The following ZNF362 variants were observed in gnomAD, a reference collection of about 807,000 sequenced individuals.
The protein encoded by ZNF362 is zinc finger protein 362.
In ZNF362, 11 loss-of-function variants were observed where a neutral mutation model predicts 42.9. That is an observed-to-expected ratio of 0.26 (90% confidence interval 0.16 to 0.42). The LOEUF (loss-of-function observed/expected upper bound fraction) is 0.42, where lower values mean the gene tolerates loss of function less well. Among genes scored for constraint, ZNF362 ranks in the 20% least tolerant of loss-of-function variants. The pLI is 1.00. For missense variants in ZNF362, 362 were observed against 576.2 expected, an observed-to-expected ratio of 0.63 and a Z score of 3.81; for synonymous variants, 255 against 257.3, an observed-to-expected ratio of 0.99 and a Z score of 0.09.
intron 1 of ZNF362, among the ~76,000 whole-genome samples, chr1:33,257,625 G>C (rs554960312): frequency 7.9e-5 from 12 of 152,148 alleles, no homozygotes; most frequent in African/African-American, 2.9e-4. Flanking sequence ...CATTTATTTG[G>C]AAGGGGCTCT....
the ZNF362 span, among the ~76,000 whole-genome samples, chr1:33,150,426 G>A: frequency 6.6e-6 from 1 of 152,260 alleles, no homozygotes; most frequent in Admixed American, 6.5e-5. Context: ...CACTGGACCA[G>A]TGACCTATAT....
the ZNF362 span, among the ~76,000 whole-genome samples, chr1:33,215,751 C>T: frequency 2.0e-5 from 3 of 152,092 alleles, 1 homozygote; most frequent in African/African-American, 7.2e-5. Flanking sequence ...GTGATATTTT[C>T]TACAAATCCT....
At chr1:33,197,903 C>T in the ZNF362 span, among the ~76,000 whole-genome samples, 5 of 152,072 alleles carry the variant, frequency 3.3e-5, no homozygotes, top group South Asian at 2.1e-4. Context: ...ATCTTCCCAC[C>T]GGCCACAGTA....
the ZNF362 span, among the ~76,000 whole-genome samples, chr1:33,232,363 C>T: frequency 6.6e-6 from 1 of 152,118 alleles, no homozygotes; most frequent in Non-Finnish European, 1.5e-5. Context: ...CTCCTGGGTT[C>T]AAGCGATTCT....
chr1:33,219,663 T>C, the ZNF362 span, among the ~76,000 whole-genome samples: 1 of 151,484 alleles, frequency 6.6e-6, no homozygotes, highest in African/African-American at 2.4e-5. Flanking sequence ...AGCCAAGGAG[T>C]AGGGGCAGTT....
chr1:33,229,894 T>C, the ZNF362 span, among the ~76,000 whole-genome samples: 1 of 152,150 alleles, frequency 6.6e-6, no homozygotes, highest in East Asian at 1.9e-4. Flanking sequence ...TTTTAACCAA[T>C]ATAAAAGTAA....
the ZNF362 span, among the ~76,000 whole-genome samples, chr1:33,238,573 A>G: frequency 1.3e-5 from 2 of 152,020 alleles, no homozygotes; most frequent in African/African-American, 4.8e-5. Context: ...GCAGCTAGAA[A>G]GGAAGGGTCA....
In ZNF362 at chr1:33,294,815, C is replaced by T. The variant is rs775632992; in HGVS notation, c.909-122C>T. ...GCTCTTGCCTGGGCTCACTCTTGGTCCTTGGGGAGCATGGGCAGGGTAGGG... is the reference window on the plus strand; with the variant it reads ...GCTCTTGCCTGGGCTCACTCTTGGTTCTTGGGGAGCATGGGCAGGGTAGGG... On this transcript the variant is annotated intron_variant, in intron 6 of 8. Transcript: ENST00000539719. This position sits in a 1 kb window ranked among gnomAD's most constrained non-coding sequence, Gnocchi z 4.2. The T allele has an allele frequency of 1.9e-6, 2 of 1,063,088 alleles. No individual in the cohort carries two copies. Among genetic ancestry groups the T allele is most frequent in the Middle Eastern group, 4.3e-4 (2 of 4,674 alleles). The allele number at this position is 1,063,088 out of a possible 1,614,324, so 65.9% of individuals were successfully genotyped here. A position where few individuals can be genotyped will look rare whatever the true frequency, so the allele number is the denominator to read the frequency against.
At chr1:33,241,053 T>G in the ZNF362 span, among the ~76,000 whole-genome samples, 688 of 152,200 alleles carry the variant, frequency 4.5e-3, 8 homozygotes, top group Non-Finnish European at 3.4e-3. Context: ...GGGGAATCTG[T>G]TGAGATTTTG....
chr1:33,278,700 TTGAG>T (rs1414867991), intron 4 of ZNF362, among the ~76,000 whole-genome samples: 9 of 152,230 alleles, frequency 5.9e-5, no homozygotes, highest in Non-Finnish European at 1.5e-5. Flanking sequence ...CGTATGTAGT[TTGAG>T]TGTGTGTTCT....
At chr1:33,187,753 C>A in the ZNF362 span, among the ~76,000 whole-genome samples, 1 of 152,274 alleles carries the variant, frequency 6.6e-6, no homozygotes, top group Non-Finnish European at 1.5e-5. Flanking sequence ...TCTCTCCCTA[C>A]CCTCTGAGAA....
intron 7 of ZNF362, 27 bp downstream of exon 7, chr1:33,295,042 C>G: frequency 6.2e-7 from 1 of 1,613,818 alleles, no homozygotes; most frequent in East Asian, 2.2e-5. Flanking sequence ...CTCCTGCCCA[C>G]CAGGTGCTCT....
At chr1:33,162,812 C>T in the ZNF362 span, 1 of 152,310 alleles carries the variant, frequency 6.6e-6, no homozygotes, top group African/African-American at 2.4e-5. Context: ...GACTACAAAG[C>T]CATAGCTCTT....
chr1:33,228,262 T>A, the ZNF362 span, among the ~76,000 whole-genome samples: 1 of 152,090 alleles, frequency 6.6e-6, no homozygotes, highest in African/African-American at 2.4e-5. Flanking sequence ...ATCCTTCCAG[T>A]TGCCCAAGCC....
the ZNF362 span, among the ~76,000 whole-genome samples, chr1:33,235,011 G>A: frequency 1.3e-5 from 2 of 152,106 alleles, no homozygotes; most frequent in African/African-American, 4.8e-5. Flanking sequence ...CTGCAGTCCC[G>A]GGTCATAGAT....
chr1:33,138,626 CAAAAAAA>C, the ZNF362 span, among the ~76,000 whole-genome samples: 101 of 66,108 alleles, frequency 1.5e-3, no homozygotes, highest in Non-Finnish European at 2.0e-3. Context: ...ACAACAACAA[CAAAAAAA>C]AAAAAAAAAA....
At chr1:33,221,292 A>C in the ZNF362 span, among the ~76,000 whole-genome samples, 1 of 152,140 alleles carries the variant, frequency 6.6e-6, no homozygotes, top group Non-Finnish European at 1.5e-5. Context: ...GTGGGTGGGG[A>C]TCCTGGGAAG....
At chr1:33,257,289 G>A (rs1233794065) in intron 1 of ZNF362, among the ~76,000 whole-genome samples, 1 of 151,826 alleles carries the variant, frequency 6.6e-6, no homozygotes, top group African/African-American at 2.4e-5. Flanking sequence ...GCCTTTCGGG[G>A]AGGTGAGACA....
intron 1 of ZNF362, among the ~76,000 whole-genome samples, chr1:33,264,323 A>C (rs1262408934): frequency 2.6e-5 from 4 of 152,114 alleles, no homozygotes; most frequent in Admixed American, 6.6e-5. Flanking sequence ...AGATGGCATT[A>C]CTGGCTGGTC....
Sources: gnomAD v4.1 joint callset for allele counts (sites outside exome capture counted in the v4.1 genomes callset) on GRCh38, gnomAD v4.1.1 for gene constraint, Gnocchi (gnomAD v3.1) non-coding constraint, MANE v1.5 for transcripts, NCBI Gene and HGNC (gene_info 2026-07-23, HGNC 2026-07-21) for gene names.